TMEM51: variants seen among roughly 807,000 people sequenced by gnomAD.
TMEM51 encodes the protein transmembrane protein 51, also known as chromosome 1 open reading frame 72.
A neutral mutation model predicts 13.6 loss-of-function variants in TMEM51; 8 were observed. The observed-to-expected ratio is 0.59, with a 90% CI of 0.35 to 1.07. TMEM51 has a LOEUF of 1.07. TMEM51 is among the 50% of genes least tolerant of loss of function. The pLI, the probability that TMEM51 is intolerant of heterozygous loss-of-function variation, is 0.02. For missense variants in TMEM51, 279 were observed against 330.7 expected (o/e 0.84, Z 1.21); for synonymous variants, 147 against 144.4 (o/e 1.02, Z -0.13).
intron 1 of TMEM51, among the ~76,000 whole-genome samples, chr1:15,206,394 A>ACT (rs34808499): frequency 0.02 from 3,072 of 151,834 alleles, 103 homozygotes; most frequent in African/African-American, 0.07. Context: ...TTTACCTGTC[A>ACT]CCCTCACACT....
intron 1 of TMEM51, among the ~76,000 whole-genome samples, chr1:15,181,465 C>T (rs1643614228): frequency 6.6e-6 from 1 of 152,160 alleles, no homozygotes; most frequent in Non-Finnish European, 1.5e-5. Context: ...CTTAAGCGCT[C>T]AAATTAAACC....
At chr1:15,192,390 G>T in intron 1 of TMEM51, 3 of 408,752 alleles carry the variant, frequency 7.3e-6, no homozygotes, top group East Asian at 6.9e-5. Flanking sequence ...ACTCCTTCTT[G>T]GAATCCTTGC....
intron 1 of TMEM51, among the ~76,000 whole-genome samples, chr1:15,194,907 TATA>T (rs1485117726): frequency 2.1e-5 from 3 of 145,238 alleles, no homozygotes; most frequent in African/African-American, 7.6e-5. Flanking sequence ...AAGCCCCATA[TATA>T]ATTTTACTTT....
intron 2 of TMEM51, among the ~76,000 whole-genome samples, chr1:15,211,341 T>C (rs527748577): frequency 1.2e-3 from 184 of 152,336 alleles, no homozygotes; most frequent in African/African-American, 4.2e-3. Context: ...ACCATTATAA[T>C]ATCCAAGATT....
intron 1 of TMEM51, among the ~76,000 whole-genome samples, chr1:15,198,198 C>T (rs1644088619): frequency 2.6e-5 from 4 of 152,046 alleles, no homozygotes; most frequent in Admixed American, 2.6e-4. Context: ...AGACATGTCT[C>T]CTCATTTAAC....
rs139174180 is a variant in TMEM51 at position 15,216,521 on chromosome 1, T to C, written c.344+1090T>C. Among the ~76,000 whole-genome samples, 43 of 152,236 alleles carry C rather than the reference T, an allele frequency of 2.8e-4. No individual in the cohort carries two copies. The East Asian group carries it at 6.8e-3, about 24-fold the overall frequency. ...TACTGTTGGAGAGTTGTAGGGAAGA[T>C]GGATTGCTGATGAAATGTTGACTGA... is the stretch of plus-strand genomic sequence containing the variant. On this transcript the variant is annotated intron_variant, in intron 3 of 3. Coordinates refer to ENST00000376008, the MANE Select transcript of TMEM51 (RefSeq NM_001136218.2).
At chr1:15,177,316 G>A (rs1258541408) in intron 1 of TMEM51, among the ~76,000 whole-genome samples, 1 of 152,220 alleles carries the variant, frequency 6.6e-6, no homozygotes, top group Admixed American at 6.5e-5. Flanking sequence ...CAGAGAGTGT[G>A]TGTATGTTAG....
chr1:15,203,513 G>A lies in TMEM51; in HGVS notation c.-266-6977G>A, dbSNP rs139290053. 1.5e-4 allele frequency among the ~76,000 whole-genome samples: 23 copies of A among 151,872 alleles called. No individual in the cohort carries two copies. In the East Asian group the frequency reaches 2.9e-3, roughly 19 times the overall value. ...CCTGACCTCATGATCCACCCGCATC[G>A]GCTTCCCAAGGTGTTGGGATTATAG... On this transcript the variant is annotated intron_variant, in intron 1 of 3. Transcript: ENST00000376008.
At chr1:15,176,825 G>GCGTGGCTGGAGGGTTAC (rs1643469845) in intron 1 of TMEM51, among the ~76,000 whole-genome samples, 1 of 152,232 alleles carries the variant, frequency 6.6e-6, no homozygotes, top group African/African-American at 2.4e-5. Context: ...TGGAGGGTTA[G>GCGTGGCTGGAGGGTTAC]CATGGCTGGG....
chr1:15,174,153 T>C (rs1487178505), intron 1 of TMEM51, among the ~76,000 whole-genome samples: 1 of 152,232 alleles, frequency 6.6e-6, no homozygotes, highest in Non-Finnish European at 1.5e-5. Flanking sequence ...GGGCAAAGGC[T>C]GAGACAGGTG....
intron 1 of TMEM51, among the ~76,000 whole-genome samples, chr1:15,176,587 G>T (rs924612546): frequency 6.6e-6 from 1 of 152,186 alleles, no homozygotes; most frequent in African/African-American, 2.4e-5. Flanking sequence ...ACCCAGGACC[G>T]TTTCCCTCCT....
intron 1 of TMEM51, among the ~76,000 whole-genome samples, chr1:15,189,615 A>C (rs1306660747): frequency 1.2e-4 from 18 of 152,200 alleles, no homozygotes. Flanking sequence ...GGCTTGCAGG[A>C]GGATGATCTG....
chr1:15,184,088 G>A (rs1192751580), intron 1 of TMEM51, among the ~76,000 whole-genome samples: 2 of 151,436 alleles, frequency 1.3e-5, no homozygotes, highest in Non-Finnish European at 2.9e-5. Context: ...TCACCAGGCT[G>A]GAGTGCAGTG....
chr1:15,175,542 C>G (rs909043207), intron 1 of TMEM51, among the ~76,000 whole-genome samples: 1 of 152,206 alleles, frequency 6.6e-6, no homozygotes, highest in African/African-American at 2.4e-5. Context: ...GTGTATTAGT[C>G]TGTTCTCATG....
At position 15,202,216 on chromosome 1, in the gene TMEM51, C is replaced by T. The variant is rs540103737; in HGVS notation, c.-266-8274C>T. Among the ~76,000 whole-genome samples, 7 of 152,204 alleles carry T rather than the reference C, an allele frequency of 4.6e-5. No individual in the cohort carries two copies. The South Asian group carries it at 6.2e-4, about 14-fold the overall frequency. On this transcript the variant is annotated intron_variant, in intron 1 of 3. Coordinates refer to ENST00000376008, the MANE Select transcript of TMEM51 (RefSeq NM_001136218.2). ...CAAGCCTCCCTCCAACCTGGCCACA[C>T]GAGGAAAGGGCGCATAATTCACCAA...
chr1:15,186,974 C>A (rs757437446), intron 1 of TMEM51, among the ~76,000 whole-genome samples: 10 of 152,116 alleles, frequency 6.6e-5, no homozygotes, highest in African/African-American at 1.9e-4. Flanking sequence ...GGGAGGAATG[C>A]GAGGTGGCCA....
At chr1:15,186,458 G>A (rs1266366141) in intron 1 of TMEM51, among the ~76,000 whole-genome samples, 1 of 152,184 alleles carries the variant, frequency 6.6e-6, no homozygotes, top group African/African-American at 2.4e-5. Flanking sequence ...ACTTGCCCCT[G>A]AATGAGGGAG....
intron 1 of TMEM51, among the ~76,000 whole-genome samples, chr1:15,179,937 A>T (rs537793460): frequency 2.6e-5 from 4 of 152,376 alleles, no homozygotes; most frequent in African/African-American, 9.6e-5. Flanking sequence ...GGTTACATGG[A>T]TATATACAGT....
chr1:15,182,118 G>A (rs947067653), intron 1 of TMEM51, among the ~76,000 whole-genome samples: 4 of 151,874 alleles, frequency 2.6e-5, no homozygotes, highest in East Asian at 1.9e-4. Flanking sequence ...CCGAGATTGC[G>A]CCATTGCACT....
Sources: allele counts gnomAD v4.1 joint callset (sites outside exome capture counted in the v4.1 genomes callset), GRCh38; gene constraint gnomAD v4.1.1; transcripts MANE v1.5; gene names NCBI Gene and HGNC (gene_info 2026-07-23, HGNC 2026-07-21).